DCBLD2: variants seen among roughly 807,000 people sequenced by gnomAD.
DCBLD2 encodes the protein discoidin, CUB and LCCL domain containing 2, also known as discoidin, CUB and LCCL domain-containing protein 2.
In DCBLD2, 54 loss-of-function variants were observed where a neutral mutation model predicts 86.8. That is an observed-to-expected ratio of 0.62 (90% CI 0.50 to 0.78). The LOEUF is 0.78. Ranked by LOEUF, DCBLD2 falls within the 30% of genes least tolerant of loss-of-function variation. The pLI is 0.00. For missense variants in DCBLD2, 908 were observed against 954.2 expected (o/e 0.95, Z 0.64); for synonymous variants, 354 against 341.3 (o/e 1.04, Z -0.41).
At position 98,798,803 on chromosome 3, in the gene DCBLD2, T is replaced by C. The variant is rs1218758078; in HGVS notation, c.*569A>G. 1 of 152,618 alleles carries C rather than the reference T, an allele frequency of 6.6e-6. No homozygotes were observed. The highest frequency in any genetic ancestry group is 1.5e-5 in the Non-Finnish European group (1 of 68,448). The allele number at this position is 152,618 out of a possible 1,614,324, so 9.5% of individuals were successfully genotyped here. The stretch of plus-strand genomic sequence containing the variant: ...GTGAAAAAGCAATCCCCCTGCTCAT[T>C]ACAAGTCAGAAAATCCCAGCTACAG... On this transcript the variant is annotated 3_prime_UTR_variant, in exon 16 of 16. Transcript: ENST00000326840.
Position 98,863,665 on chromosome 3 carries a change from G to A in DCBLD2, c.434-14067C>T, listed in dbSNP as rs944608222. On this transcript the variant is annotated intron_variant, in intron 2 of 15. Transcript: ENST00000326840. The stretch of plus-strand genomic sequence containing the variant: ...TGGGAAAACTGGCTAGCCATATGTA[G>A]AAAGCTGAAACTGGATCCCTTCCTT... Among the ~76,000 whole-genome samples, 59 of 152,136 alleles carry A rather than the reference G, an allele frequency of 3.9e-4. 1 individual carries two copies. Among genetic ancestry groups the A allele is most frequent in the Admixed American group, 1.8e-3 (28 of 15,276 alleles).
chr3:98,827,263 G>T (rs1368632974), intron 3 of DCBLD2, among the ~76,000 whole-genome samples: 5 of 152,104 alleles, frequency 3.3e-5, no homozygotes, highest in Non-Finnish European at 5.9e-5. Context: ...GTCAATCTTT[G>T]CCCAGCATCA....
intron 1 of DCBLD2, among the ~76,000 whole-genome samples, chr3:98,883,950 T>A (rs1331240155): frequency 6.6e-6 from 1 of 152,126 alleles, no homozygotes; most frequent in African/African-American, 2.4e-5. Flanking sequence ...TAGTTTTTAG[T>A]AAGTGGTGGA....
At chr3:98,817,953 G>A in intron 8 of DCBLD2, 60 bp from the exon 9 acceptor site, 3 of 1,584,480 alleles carry the variant, frequency 1.9e-6, no homozygotes, top group South Asian at 2.3e-5. Context: ...AGTTTGTTCA[G>A]CATCAAAGTA....
chr3:98,890,343 T>A (rs147694615), intron 1 of DCBLD2: 1 of 152,088 alleles, frequency 6.6e-6, no homozygotes, highest in African/African-American at 2.4e-5. Context: ...AGCCAAGCAA[T>A]GCTAAGAGTT....
chr3:98,831,798 G>A (rs974062345), intron 3 of DCBLD2, among the ~76,000 whole-genome samples: 1 of 152,034 alleles, frequency 6.6e-6, no homozygotes, highest in African/African-American at 2.4e-5. Flanking sequence ...TTGCACTGTG[G>A]TCTGAGAGTG....
intron 1 of DCBLD2, among the ~76,000 whole-genome samples, chr3:98,899,728 T>C (rs1202094144): frequency 6.6e-6 from 1 of 152,168 alleles, no homozygotes. Flanking sequence ...AGGTACCTTA[T>C]ATTCTTTGTG....
At chr3:98,883,671 CTCTT>C (rs1943512661) in intron 1 of DCBLD2, among the ~76,000 whole-genome samples, 1 of 152,146 alleles carries the variant, frequency 6.6e-6, no homozygotes, top group African/African-American at 2.4e-5. Context: ...TCAAATAAAT[CTCTT>C]TCTAGTAGGA....
intron 3 of DCBLD2, among the ~76,000 whole-genome samples, chr3:98,833,654 T>A (rs1942365918): frequency 6.6e-6 from 1 of 152,138 alleles, no homozygotes. Flanking sequence ...GGCAGCCCTG[T>A]CCAGTGAGGA....
chr3:98,870,785 GAAAGAA>G, intron 2 of DCBLD2, among the ~76,000 whole-genome samples: 1 of 150,654 alleles, frequency 6.6e-6, no homozygotes, highest in South Asian at 2.1e-4. Context: ...AAGAAAGAAA[GAAAGAA>G]AGAAAGAAAG....
At chr3:98,839,946 T>G (rs887844925) in intron 3 of DCBLD2, among the ~76,000 whole-genome samples, 9 of 152,090 alleles carry the variant, frequency 5.9e-5, no homozygotes, top group Admixed American at 5.2e-4. Context: ...GTTAGGTATT[T>G]GAATCTGAGA....
intron 2 of DCBLD2, among the ~76,000 whole-genome samples, chr3:98,876,412 T>TAAAAAAAAAAAAAAAAAAAA (rs60681986): frequency 1.9e-4 from 9 of 47,532 alleles, no homozygotes; most frequent in South Asian, 1.2e-3. Context: ...AGATAAAAAG[T>TAAAAAAAAAAAAAAAAAAAA]AAAAAAAAAA....
intron 1 of DCBLD2, among the ~76,000 whole-genome samples, chr3:98,886,473 A>G (rs951092222): frequency 6.6e-6 from 1 of 152,036 alleles, no homozygotes; most frequent in African/African-American, 2.4e-5. Flanking sequence ...GCACCAATCC[A>G]TACATTCTCA....
intron 2 of DCBLD2, among the ~76,000 whole-genome samples, chr3:98,862,977 A>T (rs1324376357): frequency 6.6e-6 from 1 of 152,188 alleles, no homozygotes; most frequent in East Asian, 1.9e-4. Flanking sequence ...AAACCCCATC[A>T]TCTACGCCCA....
rs201151338 is a variant in DCBLD2, at chr3:98,800,728, C to T, written c.1721-12G>A. ...TCCTTTCCACCAACCTTCATTGTGA[C>T]GGCAAGCCAAAGAGACCATTAAATA... is the stretch of plus-strand genomic sequence containing the variant. On this transcript the variant is annotated splice_polypyrimidine_tract_variant and intron_variant, in intron 14 of 15. Coordinates refer to ENST00000326840, the MANE Select transcript of DCBLD2 (RefSeq NM_080927.4). 114 of 1,613,746 alleles carry T rather than the reference C, an allele frequency of 7.1e-5. 1 individual carries two copies. In the South Asian group the frequency reaches 9.1e-4, roughly 13 times the overall value.
chr3:98,858,216 G>A (rs1004112284), intron 2 of DCBLD2, among the ~76,000 whole-genome samples: 5 of 152,230 alleles, frequency 3.3e-5, no homozygotes, highest in South Asian at 2.1e-4. Context: ...TGGCCACTCC[G>A]AGTGTGGGGC....
At chr3:98,872,425 A>G (rs1241667891) in intron 2 of DCBLD2, among the ~76,000 whole-genome samples, 1 of 152,192 alleles carries the variant, frequency 6.6e-6, no homozygotes, top group Non-Finnish European at 1.5e-5. Context: ...GAGTTGAAGC[A>G]GCACAAAACC....
intron 2 of DCBLD2, among the ~76,000 whole-genome samples, chr3:98,856,233 A>G (rs1942929144): frequency 6.6e-6 from 1 of 152,238 alleles, no homozygotes; most frequent in South Asian, 2.1e-4. Context: ...AGTTCCCTCC[A>G]GTTAAATGCT....
chr3:98,802,363 A>T (rs1941744001), intron 13 of DCBLD2, among the ~76,000 whole-genome samples: 1 of 152,146 alleles, frequency 6.6e-6, no homozygotes, highest in African/African-American at 2.4e-5. Context: ...TCTTTTGAGA[A>T]GTGTCTGTTC....
Sources: allele counts gnomAD v4.1 joint callset (sites outside exome capture counted in the v4.1 genomes callset), GRCh38; gene constraint gnomAD v4.1.1; transcripts MANE v1.5; gene names NCBI Gene and HGNC (gene_info 2026-07-23, HGNC 2026-07-21).